TANC1: variants seen among roughly 807,000 people sequenced by gnomAD.
TANC1 encodes protein TANC1.
A neutral mutation model predicts 149.7 loss-of-function variants in TANC1; 77 were observed. That is an observed-to-expected ratio of 0.51 (90% CI 0.43 to 0.62). TANC1 has a LOEUF of 0.62. TANC1 is among the 20% of genes least tolerant of loss of function. The probability of loss-of-function intolerance (pLI) is 0.00; values close to 1 mark genes in which losing one functional copy is unlikely to be tolerated. For missense variants in TANC1, 1,985 were observed against 2,321.8 expected, an observed-to-expected ratio of 0.85 and a Z score of 2.98; for synonymous variants, 854 against 925.0, an observed-to-expected ratio of 0.92 and a Z score of 1.39.
At chr2:159,063,809 T>TA (rs2042439360) in intron 2 of TANC1, among the ~76,000 whole-genome samples, 2 of 152,168 alleles carry the variant, frequency 1.3e-5, no homozygotes, top group Non-Finnish European at 2.9e-5. Context: ...TGGGATGAGA[T>TA]ACCAGAGTCA....
chr2:159,105,667 T>A (rs1458793884), intron 4 of TANC1, among the ~76,000 whole-genome samples: 1 of 152,228 alleles, frequency 6.6e-6, no homozygotes, highest in Non-Finnish European at 1.5e-5. Context: ...AGTAACACAT[T>A]TGCCCATTCC....
intron 8 of TANC1, among the ~76,000 whole-genome samples, chr2:159,167,956 C>T (rs2054777958): frequency 6.6e-6 from 1 of 152,152 alleles, no homozygotes; most frequent in African/African-American, 2.4e-5. Context: ...CGACTTCTGT[C>T]CCCTGCACCT....
chr2:159,136,047 T>TGTGTGCGCGC (rs1457762905), intron 4 of TANC1, 147 bp from the exon 5 acceptor site: 11 of 211,280 alleles, frequency 5.2e-5, no homozygotes, highest in African/African-American at 2.1e-4. Flanking sequence ...TGTGTGTGTG[T>TGTGTGCGCGC]GTGCGCGCGC....
chr2:159,230,230 G>C lies in TANC1; in HGVS notation c.4804G>C (p.Gly1602Arg), dbSNP rs754430302. 2 of 1,613,796 alleles carry C rather than the reference G, an allele frequency of 1.2e-6. No homozygotes were observed. Among genetic ancestry groups the C allele is most frequent in the East Asian group, 2.2e-5 (1 of 44,884 alleles). ...TTGTGGCCACTTTGGGGATCGGCTG[G>C]GCCCCAGCCAGAATGTCCGCCTGCA... The part of the protein sequence containing the change: ...AGCGHFGDRL[G>R]PSQNVRLQCG... Residue 1602 changes from glycine (G) to arginine (R), a missense_variant, in exon 27 of 27, where the codon GGC (glycine) becomes CGC (arginine). By Grantham distance (125) the Gly-to-Arg change is moderately radical (BLOSUM62 -2). Coordinates refer to ENST00000263635, the MANE Select transcript of TANC1 (RefSeq NM_033394.3). The surrounding 1 kb of genome is among the most constrained non-coding windows in gnomAD (Gnocchi z 4.4).
chr2:159,094,904 C>G (rs1185240564), intron 3 of TANC1, among the ~76,000 whole-genome samples: 1 of 151,904 alleles, frequency 6.6e-6, no homozygotes, highest in Non-Finnish European at 1.5e-5. Flanking sequence ...CATGAATGTC[C>G]TTATTTTTGT....
chr2:159,071,042 A>G (rs541036538), intron 3 of TANC1, among the ~76,000 whole-genome samples: 20 of 152,244 alleles, frequency 1.3e-4, no homozygotes, highest in Middle Eastern at 3.4e-3. Context: ...CTCTGGAAGC[A>G]TTAGGTGGTC....
intron 3 of TANC1, among the ~76,000 whole-genome samples, chr2:159,066,781 T>C (rs1254859037): frequency 1.3e-5 from 2 of 152,340 alleles, no homozygotes; most frequent in Non-Finnish European, 2.9e-5. Flanking sequence ...TTGGCTTGAA[T>C]TTCATTCTTG....
intron 3 of TANC1, among the ~76,000 whole-genome samples, chr2:159,092,418 C>G (rs1181761293): frequency 6.6e-6 from 1 of 152,186 alleles, no homozygotes; most frequent in Non-Finnish European, 1.5e-5. Context: ...ACATTCATCT[C>G]CCAGATTGAC....
At chr2:158,981,448 T>G (rs1007465563) in intron 1 of TANC1, among the ~76,000 whole-genome samples, 1 of 133,008 alleles carries the variant, frequency 7.5e-6, no homozygotes, top group African/African-American at 2.7e-5. Flanking sequence ...GGTGACAGAG[T>G]GAGACCCTAT....
intron 22 of TANC1, among the ~76,000 whole-genome samples, chr2:159,222,823 T>TC (rs1159762307): frequency 6.6e-6 from 1 of 152,216 alleles, no homozygotes; most frequent in Admixed American, 6.5e-5. Context: ...CTACTTTTTT[T>TC]CCACAGTTGC....
intron 2 of TANC1, among the ~76,000 whole-genome samples, chr2:159,009,048 G>A (rs944344056): frequency 3.0e-4 from 46 of 152,266 alleles, no homozygotes; most frequent in African/African-American, 1.1e-3. Flanking sequence ...CAGACATTTA[G>A]AATTAAAACT....
Position 159,230,137 on chromosome 2 carries a change from G to C in TANC1, c.4711G>C (p.Ala1571Pro). 6.2e-7 allele frequency: 1 copy of C among 1,613,996 alleles called. No homozygotes were observed. Among genetic ancestry groups the C allele is most frequent in the Admixed American group, 1.7e-5 (1 of 60,020 alleles). ...PPPSPMPGRI[A>P]ATPAGSRTQH... ...TCCAAGTCCCATGCCAGGGAGAATC[G>C]CTGCCACTCCTGCTGGGAGCAGAAC... The change falls in exon 27 of 27, where the codon GCT (alanine) becomes CCT (proline). Residue 1571 changes from alanine (A) to proline (P), a missense_variant. Coordinates refer to ENST00000263635, the MANE Select transcript of TANC1 (RefSeq NM_033394.3). The surrounding 1 kb of genome is among the most constrained non-coding windows in gnomAD (Gnocchi z 4.4).
chr2:159,208,769 A>C (rs1193931318), intron 19 of TANC1, among the ~76,000 whole-genome samples: 1 of 152,222 alleles, frequency 6.6e-6, no homozygotes, highest in East Asian at 1.9e-4. Flanking sequence ...GTTCAAAACC[A>C]CAACTTTTTA....
chr2:159,133,287 T>C (rs1167410007), intron 4 of TANC1, among the ~76,000 whole-genome samples: 2 of 151,822 alleles, frequency 1.3e-5, no homozygotes, highest in African/African-American at 4.8e-5. Context: ...TCATTTTACC[T>C]TAGAGAGTAG....
At chr2:159,171,942 G>A (rs1559388787) in intron 10 of TANC1, among the ~76,000 whole-genome samples, 179 bp from the exon 11 acceptor site, 1 of 152,016 alleles carries the variant, frequency 6.6e-6, no homozygotes, top group African/African-American at 2.4e-5. Context: ...TCTCCAGGGA[G>A]GGGAACCAGT....
intron 2 of TANC1, among the ~76,000 whole-genome samples, chr2:159,034,958 AC>A: frequency 6.6e-6 from 1 of 152,028 alleles, no homozygotes. Flanking sequence ...ATGCTGCAGA[AC>A]CCTTTACAGC....
At chr2:159,005,156 A>G (rs1323521069) in intron 2 of TANC1, among the ~76,000 whole-genome samples, 1 of 152,066 alleles carries the variant, frequency 6.6e-6, no homozygotes, top group African/African-American at 2.4e-5. Context: ...TAAACCCACA[A>G]CCTTCAGCAT....
chr2:159,152,614 C>T (rs930953868), intron 7 of TANC1, among the ~76,000 whole-genome samples: 13 of 152,054 alleles, frequency 8.5e-5, no homozygotes, highest in African/African-American at 1.9e-4. Flanking sequence ...CTCAGGTTCC[C>T]GGGTAGTTGG....
At position 158,981,528 on chromosome 2, in the gene TANC1, T is replaced by TATAC. The variant is rs1553509757; in HGVS notation, c.-126+12749_-126+12750insCATA. ...ATATATATATATATATATATATATA[T>TATAC]ATATATATATATATAAAGAAGTAAC... On this transcript the variant is annotated intron_variant, in intron 1 of 26. Coordinates refer to ENST00000263635, the MANE Select transcript of TANC1 (RefSeq NM_033394.3). Among the ~76,000 whole-genome samples, 18 of 114,530 alleles carry TATAC rather than the reference T, an allele frequency of 1.6e-4. 1 individual carries two copies. The highest frequency in any genetic ancestry group is 5.3e-4 in the African/African-American group (16 of 30,466). 75.1% of individuals were successfully genotyped at this position (114,530 alleles called of 152,430 possible). A position where few individuals can be genotyped will look rare whatever the true frequency, so the allele number is the denominator to read the frequency against.
Sources: gnomAD v4.1 joint callset for allele counts (sites outside exome capture counted in the v4.1 genomes callset) on GRCh38, gnomAD v4.1.1 for gene constraint, Gnocchi (gnomAD v3.1) non-coding constraint, MANE v1.5 for transcripts, NCBI Gene and HGNC (gene_info 2026-07-23, HGNC 2026-07-21) for gene names.